Variants in UBE2W observed in about 807,000 individuals in gnomAD.
UBE2W encodes ubiquitin-conjugating enzyme E2 W.
UBE2W carries 18 observed loss-of-function variants against 27.2 expected under a neutral mutation model. The observed-to-expected ratio is 0.66, with a 90% CI of 0.46 to 0.98. The LOEUF (loss-of-function observed/expected upper bound fraction) is 0.98. Ranked by LOEUF, UBE2W falls within the 50% of genes least tolerant of loss-of-function variation. The pLI is 0.00. For missense variants in UBE2W, 90 were observed against 180.2 expected (o/e 0.50, Z 2.87); for synonymous variants, 53 against 57.2 (o/e 0.93, Z 0.33).
At position 73,842,528 on chromosome 8, in the gene UBE2W, CAAAAAAAAAAAAAAAAAAAAA is replaced by C; in HGVS notation, c.16-12077_16-12057del. ...TGGGCGACAGAGGGAGACTCCGTCT[CAAAAAAAAAAAAAAAAAAAAA>C]AAAAAAAAAATGACGTGGACGTGAG... is the stretch of plus-strand genomic sequence containing the variant. On this transcript the variant is annotated intron_variant, in intron 1 of 5. Coordinates refer to ENST00000602593, the MANE Select transcript of UBE2W (RefSeq NM_018299.6). 3.1e-4 allele frequency among the ~76,000 whole-genome samples: 3 copies of C among 9,676 alleles called. No homozygotes were observed. The South Asian group carries it at 0.017, about 55-fold the overall frequency. 6.3% of individuals were successfully genotyped at this position (9,676 alleles called of 152,430 possible). A position where few individuals can be genotyped will look rare whatever the true frequency, so the allele number is the denominator to read the frequency against.
chr8:73,813,083 CAAAAAAAAAAA>C lies in UBE2W; in HGVS notation c.211-2465_211-2455del, dbSNP rs56094830. On this transcript the variant is annotated intron_variant, in intron 3 of 5. Transcript: ENST00000602593. ...GAAGAATAGTGATCTGAAAGTGCCACAAAAAAAAAAAAAAAAAAAAAAAAAAGAACAACTGC... is the reference window on the plus strand; with the variant it reads ...GAAGAATAGTGATCTGAAAGTGCCACAAAAAAAAAAAAAAAGAACAACTGC... Among the ~76,000 whole-genome samples, 16 of 43,460 alleles carry C rather than the reference CAAAAAAAAAAA, an allele frequency of 3.7e-4. 1 individual carries two copies. Among genetic ancestry groups the C allele is most frequent in the Admixed American group, 1.4e-3 (3 of 2,170 alleles). 28.5% of individuals were successfully genotyped at this position (43,460 alleles called of 152,430 possible). A position where few individuals can be genotyped will look rare whatever the true frequency, so the allele number is the denominator to read the frequency against.
chr8:73,803,154 T>C (rs1808718262), intron 5 of UBE2W, among the ~76,000 whole-genome samples: 1 of 152,158 alleles, frequency 6.6e-6, no homozygotes, highest in South Asian at 2.1e-4. Context: ...AGGCAGAGGA[T>C]GCAGTGAGCC....
At chr8:73,781,619 G>GTTTTTTTTTTTTTTTTTT (rs112691687), downstream of UBE2W, among the ~76,000 whole-genome samples, 1 of 140,880 alleles carries the variant, frequency 7.1e-6, no homozygotes, top group Non-Finnish European at 1.5e-5. Flanking sequence ...TCAGGTTTGG[G>GTTTTTTTTTTTTTTTTTT]TTTTTTTTTT....
chr8:73,830,781 C>G (rs1810034876), intron 1 of UBE2W, among the ~76,000 whole-genome samples: 1 of 152,178 alleles, frequency 6.6e-6, no homozygotes, highest in African/African-American at 2.4e-5. Context: ...CTACCACACT[C>G]AGCCTGCACT....
chr8:73,836,944 T>C (rs144192807), intron 1 of UBE2W, among the ~76,000 whole-genome samples: 118 of 152,074 alleles, frequency 7.8e-4, no homozygotes, highest in Non-Finnish European at 1.2e-3. Context: ...CCAGAAACCA[T>C]GGGGGAAAAG....
chr8:73,835,364 T>C (rs1405284792), intron 1 of UBE2W, among the ~76,000 whole-genome samples: 1 of 152,144 alleles, frequency 6.6e-6, no homozygotes, highest in African/African-American at 2.4e-5. Context: ...CCTTGTGTAG[T>C]TCCCTCCCTC....
At chr8:73,829,547 T>C (rs1193566036) in intron 2 of UBE2W, among the ~76,000 whole-genome samples, 5 of 149,770 alleles carry the variant, frequency 3.3e-5, no homozygotes, top group Admixed American at 2.7e-4. Context: ...TTTTAAGTGA[T>C]TGTTACAGAG....
Position 73,839,724 on chromosome 8 carries a change from TG to T in UBE2W, c.16-9253del, listed in dbSNP as rs1371806835. Among the ~76,000 whole-genome samples the T allele has an allele frequency of 2.8e-5, 4 of 143,502 alleles. No homozygotes were observed. In the East Asian group the frequency reaches 8.4e-4, roughly 30 times the overall value. The allele number at this position is 143,502 out of a possible 152,430, so 94.1% of individuals were successfully genotyped here. Reference sequence around the variant, plus strand: ...CTAAAAAGCTCATTCATTTCTTTTTTGGTTTTTTTTTTTTTTTTTTTTGAAA... The same window carrying T: ...CTAAAAAGCTCATTCATTTCTTTTTTGTTTTTTTTTTTTTTTTTTTTGAAA... On this transcript the variant is annotated intron_variant, in intron 1 of 5. Coordinates refer to ENST00000602593, the MANE Select transcript of UBE2W (RefSeq NM_018299.6).
At chr8:73,838,517 ATTAC>A (rs1810402233) in intron 1 of UBE2W, among the ~76,000 whole-genome samples, 1 of 152,216 alleles carries the variant, frequency 6.6e-6, no homozygotes, top group Non-Finnish European at 1.5e-5. Context: ...AGGCAGGAGA[ATTAC>A]TTAAGCCCAG....
intron 4 of UBE2W, among the ~76,000 whole-genome samples, chr8:73,806,369 T>C (rs1808905903): frequency 6.6e-6 from 1 of 151,230 alleles, no homozygotes. Flanking sequence ...CCAGCTTGGG[T>C]GACAGAGTGA....
At position 73,791,764 on chromosome 8, in the gene UBE2W, C is replaced by T. The variant is rs922929138; in HGVS notation, c.*2338G>A. The T allele has an allele frequency of 1.1e-5, 11 of 984,742 alleles. No homozygotes were observed. The highest frequency in any genetic ancestry group is 1.3e-5 in the Non-Finnish European group (11 of 829,372). 61.0% of individuals were successfully genotyped at this position (984,742 alleles called of 1,614,324 possible). ...TGTGCTCCTATATTTTAGGATATTT[C>T]ATCTTATTTTCTACTCTTTAAACCA... On this transcript the variant is annotated 3_prime_UTR_variant, in exon 6 of 6. Coordinates refer to ENST00000602593, the MANE Select transcript of UBE2W (RefSeq NM_018299.6).
At chr8:73,819,503 A>G (rs564982979) in intron 3 of UBE2W, among the ~76,000 whole-genome samples, 2 of 152,354 alleles carry the variant, frequency 1.3e-5, no homozygotes, top group East Asian at 3.9e-4. Flanking sequence ...CTCAAGAAAC[A>G]GTATTTGATA....
intron 1 of UBE2W, among the ~76,000 whole-genome samples, chr8:73,837,381 T>C (rs2623808): frequency 0.93 from 141,510 of 152,132 alleles, 65,876 homozygotes; most frequent in African/African-American, 0.97. Flanking sequence ...GGCGTGGTGG[T>C]AAGTGTCTGT....
At position 73,869,645 on chromosome 8, in the gene UBE2W, G is replaced by A. The variant is rs200789571; in HGVS notation, c.15+9163C>T. On this transcript the variant is annotated intron_variant, in intron 1 of 5. Coordinates refer to ENST00000602593, the MANE Select transcript of UBE2W (RefSeq NM_018299.6). ...GACGGAGGTTGCAATGAGCCGAGAT[G>A]GTGCCACTGCACTCCAGTCTGGGAG... Among the ~76,000 whole-genome samples the A allele has an allele frequency of 3.3e-5, 5 of 152,038 alleles. No homozygotes were observed. The East Asian group carries it at 5.8e-4, about 18-fold the overall frequency.
chr8:73,818,642 C>G (rs1809487509), intron 3 of UBE2W, among the ~76,000 whole-genome samples: 1 of 152,148 alleles, frequency 6.6e-6, no homozygotes, highest in Admixed American at 6.5e-5. Flanking sequence ...GAAATGTAAC[C>G]CCCAATGTTG....
chr8:73,869,305 C>A (rs537249098), intron 1 of UBE2W, among the ~76,000 whole-genome samples: 1 of 152,282 alleles, frequency 6.6e-6, no homozygotes, highest in Non-Finnish European at 1.5e-5. Flanking sequence ...TGCCTGTAAT[C>A]CCAGCACTTT....
At chr8:73,827,654 C>T (rs762130120) in intron 2 of UBE2W, among the ~76,000 whole-genome samples, 2 of 152,142 alleles carry the variant, frequency 1.3e-5, no homozygotes, top group Non-Finnish European at 2.9e-5. Flanking sequence ...CTCAGACTCC[C>T]AAGTAGCTGG....
intron 2 of UBE2W, among the ~76,000 whole-genome samples, chr8:73,826,843 C>T (rs1586485196): frequency 6.6e-6 from 1 of 152,168 alleles, no homozygotes; most frequent in African/African-American, 2.4e-5. Context: ...ACCCTACATA[C>T]GTAAAAAACC....
chr8:73,804,765 C>T (rs1808799277), intron 5 of UBE2W, among the ~76,000 whole-genome samples: 2 of 151,794 alleles, frequency 1.3e-5, no homozygotes, highest in Admixed American at 1.3e-4. Flanking sequence ...CATTCCATCA[C>T]TGTCACCCAG....
Sources: allele counts gnomAD v4.1 joint callset (sites outside exome capture counted in the v4.1 genomes callset), GRCh38; gene constraint gnomAD v4.1.1; transcripts MANE v1.5; gene names NCBI Gene and HGNC (gene_info 2026-07-23, HGNC 2026-07-21).